Variants in PAXIP1 observed in about 807,000 individuals in gnomAD.
PAXIP1 encodes PAX interacting protein 1.
PAXIP1 carries 19 observed loss-of-function variants against 140.6 expected under a neutral mutation model. The ratio of observed to expected loss-of-function variants is 0.14; its 90% CI spans 0.09 to 0.20. The LOEUF is 0.20. PAXIP1 is among the 10% of genes least tolerant of loss of function. PAXIP1 has a pLI of 1.00. For missense variants in PAXIP1, 920 were observed against 1,208.6 expected (o/e 0.76, Z 3.54); for synonymous variants, 442 against 444.6 (o/e 0.99, Z 0.07).
Position 154,962,305 on chromosome 7 carries a change from G to A in PAXIP1, c.2127+16C>T, listed in dbSNP as rs374465824. 239 of 1,611,286 alleles carry A rather than the reference G, an allele frequency of 1.5e-4. No homozygotes were observed. The highest frequency in any genetic ancestry group is 1.9e-4 in the Non-Finnish European group (219 of 1,178,376). On this transcript the variant is annotated intron_variant, in intron 10 of 20. Coordinates refer to ENST00000404141, the MANE Select transcript of PAXIP1 (RefSeq NM_007349.4). Reference sequence around the variant, plus strand: ...AAGGATGATTTAACAAATGGAACGCGAGGACTCTGTCTTACATGCTGTGAA... The same window carrying A: ...AAGGATGATTTAACAAATGGAACGCAAGGACTCTGTCTTACATGCTGTGAA...
chr7:154,991,040 T>C lies in PAXIP1; in HGVS notation c.290A>G (p.Gln97Arg). The C allele has an allele frequency of 1.3e-6, 2 of 1,548,814 alleles. No homozygotes were observed. Among genetic ancestry groups the C allele is most frequent in the Non-Finnish European group, 1.7e-6 (2 of 1,144,074 alleles). The change falls in exon 4 of 21, where the codon CAG (glutamine) becomes CGG (arginine). Residue 97 changes from glutamine to arginine, a missense_variant. By Grantham distance (43) the Gln-to-Arg change is conservative (BLOSUM62 1). Around this residue, in one of 5 missense-constraint regions of PAXIP1, gnomAD observed 419 missense variants for 514.7 expected, o/e 0.81. Transcript: ENST00000404141. ...GCAGGCAGTGATTCCAAAAAAAATC[T>C]GACATGATTCTGGAGAAAAACCATT... Reference protein sequence around the residue: ...PVNGFSPESCQIFFGITACLS... With the variant: ...PVNGFSPESCRIFFGITACLS...
intron 2 of PAXIP1, among the ~76,000 whole-genome samples, chr7:154,996,093 C>T (rs1412026716): frequency 6.6e-6 from 1 of 152,136 alleles, no homozygotes; most frequent in African/African-American, 2.4e-5. Context: ...AGGGATATGC[C>T]TCTAGGGAAC....
chr7:154,997,071 G>A (rs918173507), intron 2 of PAXIP1, among the ~76,000 whole-genome samples: 1 of 152,168 alleles, frequency 6.6e-6, no homozygotes, highest in African/African-American at 2.4e-5. Flanking sequence ...AGCAGTACAA[G>A]GAAGCAAGCC....
At position 154,986,273 on chromosome 7, in the gene PAXIP1, T is replaced by G. The variant is rs977133455; in HGVS notation, c.325-2941A>C. 1.1e-5 allele frequency: 9 copies of G among 844,576 alleles called. No homozygotes were observed. Among genetic ancestry groups the G allele is most frequent in the Admixed American group, 8.9e-5 (3 of 33,840 alleles). The allele number at this position is 844,576 out of a possible 1,614,324, so 52.3% of individuals were successfully genotyped here. On this transcript the variant is annotated intron_variant, in intron 4 of 20. Transcript: ENST00000404141. This position sits in a 1 kb window ranked among gnomAD's most constrained non-coding sequence, Gnocchi z 4.8. ...TGCCTGGCGTGTGCATGTGAGTGTG[T>G]GTGCGCATGGGTGCTCCAGTGTGCA... is the stretch of plus-strand genomic sequence containing the variant.
At chr7:154,961,153 A>G (rs1808738157) in intron 11 of PAXIP1, 76 bp from the exon 12 acceptor site, 2 of 1,172,992 alleles carry the variant, frequency 1.7e-6, no homozygotes, top group South Asian at 3.3e-5. Flanking sequence ...ATTTATTTCC[A>G]ACAAAAGGCA....
intron 4 of PAXIP1, among the ~76,000 whole-genome samples, chr7:154,989,667 G>A (rs1810234327): frequency 1.3e-5 from 2 of 152,074 alleles, no homozygotes; most frequent in Non-Finnish European, 2.9e-5. Flanking sequence ...TTAGCTGGGG[G>A]TTAGAAAAAC....
chr7:154,992,291 G>A (rs1203651735), intron 3 of PAXIP1, among the ~76,000 whole-genome samples: 4 of 152,186 alleles, frequency 2.6e-5, no homozygotes, highest in South Asian at 2.1e-4. Context: ...GCTCATGCCT[G>A]TAATCCCAGC....
At position 154,975,849 on chromosome 7, in the gene PAXIP1, C is replaced by G; in HGVS notation, c.921G>C (p.Glu307Asp). The G allele has an allele frequency of 6.2e-7, 1 of 1,613,972 alleles. No individual in the cohort carries two copies. The highest frequency in any genetic ancestry group is 8.5e-7 in the Non-Finnish European group (1 of 1,179,882). The change falls in exon 6 of 21, where the codon GAG becomes GAC. Residue 307 changes from glutamate (E) to aspartate (D), a missense_variant. Glu to Asp is a conservative substitution (Grantham distance 45). This residue lies in a region of PAXIP1 where 419 missense variants were observed against 514.7 expected (regional missense o/e 0.81). Coordinates refer to ENST00000404141, the MANE Select transcript of PAXIP1 (RefSeq NM_007349.4). ...CAGCAGCCATTAAATTACCCCGGACCTCAGGGGGCAAAATGTTACCTGGGA... is the reference window on the plus strand; with the variant it reads ...CAGCAGCCATTAAATTACCCCGGACGTCAGGGGGCAAAATGTTACCTGGGA... The part of the protein sequence containing the change: ...PPVPGNILPP[E>D]VRGNLMAAGQ...
At chr7:155,003,249 G>T (rs1811023353), upstream of PAXIP1, among the ~76,000 whole-genome samples, 1 of 85,258 alleles carries the variant, frequency 1.2e-5, no homozygotes, top group African/African-American at 5.5e-5. Context: ...CTCCGGGGTA[G>T]CTGGCGCCGG....
intron 2 of PAXIP1, among the ~76,000 whole-genome samples, chr7:154,997,512 A>C (rs1410153552): frequency 1.1e-4 from 17 of 152,094 alleles, no homozygotes; most frequent in Admixed American, 1.1e-3. Context: ...TAACATGAAG[A>C]GGGAAAAAAT....
At position 154,975,910 on chromosome 7, in the gene PAXIP1, G is replaced by T; in HGVS notation, c.860C>A (p.Pro287His). The change falls in exon 6 of 21, where the codon CCT becomes CAT. Residue 287 changes from proline (P) to histidine (H), a missense_variant. Pro to His is a moderately conservative substitution (Grantham distance 77). This residue lies in a region of PAXIP1 where 419 missense variants were observed against 514.7 expected (regional missense o/e 0.81). Transcript: ENST00000404141. ...ATTGGCACACAAGTTAATCAACCCA[G>T]GCTCCTTTCCCTGAGGCAGCCTGCG... ...AKRRLPQGKE[P>H]GLINLCANVP... The T allele has an allele frequency of 6.2e-7, 1 of 1,614,000 alleles. No individual in the cohort carries two copies. Among genetic ancestry groups the T allele is most frequent in the Middle Eastern group, 1.6e-4 (1 of 6,062 alleles).
At chr7:154,992,231 T>A (rs572338236) in intron 3 of PAXIP1, among the ~76,000 whole-genome samples, 1 of 152,122 alleles carries the variant, frequency 6.6e-6, no homozygotes, top group African/African-American at 2.4e-5. Flanking sequence ...TTTGTTCTTA[T>A]GGATAGGCAA....
chr7:154,948,385 A>C (rs1808097191), intron 16 of PAXIP1: 1 of 191,300 alleles, frequency 5.2e-6, no homozygotes, highest in African/African-American at 2.4e-5. Flanking sequence ...ATCTCTACAG[A>C]AAAATTTTAA....
chr7:154,979,093 A>T (rs1324973197), intron 5 of PAXIP1, among the ~76,000 whole-genome samples: 1 of 152,238 alleles, frequency 6.6e-6, no homozygotes, highest in African/African-American at 2.4e-5. Flanking sequence ...AAGATGATTT[A>T]AGAGGAAAGC....
Position 154,955,650 on chromosome 7 carries a change from T to C in PAXIP1, c.2550-19A>G. The C allele has an allele frequency of 7.6e-7, 1 of 1,322,686 alleles. No individual in the cohort carries two copies. The allele number at this position is 1,322,686 out of a possible 1,614,324, so 81.9% of individuals were successfully genotyped here. Reference sequence around the variant, plus strand: ...TTCAATTCTGTGGAAGAAATACACATAAAATAGTAGTGATTTCATATTTAC... The same window carrying C: ...TTCAATTCTGTGGAAGAAATACACACAAAATAGTAGTGATTTCATATTTAC... On this transcript the variant is annotated intron_variant, in intron 14 of 20. Transcript: ENST00000404141.
intron 4 of PAXIP1, among the ~76,000 whole-genome samples, chr7:154,988,875 T>G (rs908024059): frequency 5.9e-5 from 9 of 152,366 alleles, no homozygotes; most frequent in Admixed American, 2.0e-4. Context: ...GTAGTAATGC[T>G]TTCATTTTTA....
chr7:154,955,423 T>C, intron 15 of PAXIP1, 106 bp downstream of exon 15: 2 of 691,330 alleles, frequency 2.9e-6, no homozygotes, highest in Non-Finnish European at 2.6e-6. Context: ...TAAAGACTGT[T>C]ATAACTATCT....
chr7:154,996,342 C>A (rs1810609429), intron 2 of PAXIP1, among the ~76,000 whole-genome samples: 1 of 152,118 alleles, frequency 6.6e-6, no homozygotes, highest in African/African-American at 2.4e-5. Context: ...CTACTGGGTA[C>A]AGATGAAATA....
intron 1 of PAXIP1, chr7:155,000,113 G>A (rs529333279): frequency 1.3e-5 from 2 of 152,272 alleles, no homozygotes; most frequent in African/African-American, 4.8e-5. Flanking sequence ...CCTCTCTGCA[G>A]CAGAGAGCTT....
Sources: allele counts gnomAD v4.1 joint callset (sites outside exome capture counted in the v4.1 genomes callset), GRCh38; gene constraint gnomAD v4.1.1; regional missense constraint gnomAD v4.1.1; non-coding constraint Gnocchi (gnomAD v3.1); transcripts MANE v1.5; gene names NCBI Gene and HGNC (gene_info 2026-07-23, HGNC 2026-07-21).